The following POR variants were observed in gnomAD, a reference collection of about 807,000 sequenced individuals.
POR encodes the protein cytochrome p450 oxidoreductase, also known as NADPH--cytochrome P450 reductase.
POR carries 56 observed loss-of-function variants against 84.0 expected under a neutral mutation model. The observed-to-expected ratio is 0.67, with a 90% CI of 0.54 to 0.83. POR has a LOEUF of 0.83. POR is among the 40% of genes least tolerant of loss of function. The pLI is 0.00. For synonymous variants in POR, 414 were observed against 400.5 expected (o/e 1.03, Z -0.40); for missense variants, 938 against 944.3 (o/e 0.99, Z 0.09).
chr7:75,928,985 A>G (rs1274991642), intron 1 of POR, among the ~76,000 whole-genome samples: 2 of 152,138 alleles, frequency 1.3e-5, no homozygotes, highest in Admixed American at 1.3e-4. Context: ...GCATAGTACA[A>G]TGTCAGGCCA....
At chr7:75,924,677 A>G (rs1807033652) in intron 1 of POR, among the ~76,000 whole-genome samples, 1 of 152,154 alleles carries the variant, frequency 6.6e-6, no homozygotes, top group South Asian at 2.1e-4. Flanking sequence ...CTGCACACCA[A>G]CCTGGGTGAT....
intron 10 of POR, among the ~76,000 whole-genome samples, chr7:75,984,201 C>CT: frequency 6.6e-6 from 1 of 152,222 alleles, no homozygotes; most frequent in Middle Eastern, 3.2e-3. Flanking sequence ...CGGCCTGGGG[C>CT]TGCCCCCACC....
At chr7:75,919,203 C>T (rs1230548592) in intron 1 of POR, among the ~76,000 whole-genome samples, 1 of 152,024 alleles carries the variant, frequency 6.6e-6, no homozygotes, top group African/African-American at 2.4e-5. Flanking sequence ...CTCTTACTGC[C>T]TAATATCCTC....
chr7:75,962,908 C>G (rs142939280), intron 2 of POR, among the ~76,000 whole-genome samples: 10 of 152,334 alleles, frequency 6.6e-5, no homozygotes, highest in African/African-American at 2.4e-4. Context: ...CTAAGCTTCC[C>G]TTCCATCCCG....
chr7:75,976,897 C>T (rs1788722169), intron 3 of POR, among the ~76,000 whole-genome samples: 1 of 152,110 alleles, frequency 6.6e-6, no homozygotes, highest in Non-Finnish European at 1.5e-5. Context: ...GTCACCCAGG[C>T]TGGAGTGCAG....
chr7:75,945,064 G>A (rs1424052250), intron 1 of POR, among the ~76,000 whole-genome samples: 2 of 152,088 alleles, frequency 1.3e-5, no homozygotes, highest in Non-Finnish European at 2.9e-5. Context: ...GAGGTGGGCA[G>A]AATCTCAGGA....
At chr7:75,955,829 T>C (rs1787662013) in intron 2 of POR, among the ~76,000 whole-genome samples, 2 of 152,178 alleles carry the variant, frequency 1.3e-5, no homozygotes, top group Non-Finnish European at 2.9e-5. Flanking sequence ...AGAAAAGTCA[T>C]TCTCCAAGGC....
chr7:75,970,900 C>G (rs1230768270), intron 2 of POR: 1 of 80,384 alleles, frequency 1.2e-5, no homozygotes, highest in Non-Finnish European at 2.8e-5. Flanking sequence ...AATATCCTCT[C>G]CCACACTGCA....
At chr7:75,968,325 G>T in intron 2 of POR, 2 of 466,194 alleles carry the variant, frequency 4.3e-6, no homozygotes. Context: ...GAGGGACTCA[G>T]CCAGGCCTAG....
Position 75,979,781 on chromosome 7 carries a change from C to T in POR, c.366+202C>T, listed in dbSNP as rs533975609. The T allele has an allele frequency of 5.7e-4, 382 of 670,826 alleles. 10 individuals carry two copies. The South Asian group carries it at 7.2e-3, about 13-fold the overall frequency. The allele number at this position is 670,826 out of a possible 1,614,324, so 41.6% of individuals were successfully genotyped here. A position where few individuals can be genotyped will look rare whatever the true frequency, so the allele number is the denominator to read the frequency against. On this transcript the variant is annotated intron_variant, in intron 4 of 15. Coordinates refer to ENST00000461988, the MANE Select transcript of POR (RefSeq NM_000941.3). ...AGGGCCATTCCTGCAGTTGCAGCCA[C>T]GTGCCAGGCATCGTTTCCCCAGGAC...
At position 75,927,968 on chromosome 7, in the gene POR, CTTTTTTT is replaced by C. The variant is rs1243977285; in HGVS notation, c.-5+12804_-5+12810del. On this transcript the variant is annotated intron_variant, in intron 1 of 15. Coordinates refer to ENST00000461988, the MANE Select transcript of POR (RefSeq NM_000941.3). ...TGCTCCCAGTCTCTATCTCAGGTTT[CTTTTTTT>C]TTTTTTTTTTTTTTGAGACGGAGTC... 2.0e-4 allele frequency among the ~76,000 whole-genome samples: 21 copies of C among 107,006 alleles called. 1 individual carries two copies. Among genetic ancestry groups the C allele is most frequent in the South Asian group, 1.5e-3 (5 of 3,338 alleles). The allele number at this position is 107,006 out of a possible 152,430, so 70.2% of individuals were successfully genotyped here. A position where few individuals can be genotyped will look rare whatever the true frequency, so the allele number is the denominator to read the frequency against.
chr7:75,981,134 G>C lies in POR; in HGVS notation c.603G>C (p.Gln201His). 1 of 1,556,292 alleles carries C rather than the reference G, an allele frequency of 6.4e-7. No individual in the cohort carries two copies. The highest frequency in any genetic ancestry group is 1.4e-5 in the African/African-American group (1 of 73,444). Residue 201 changes from glutamine (Q) to histidine (H), a missense_variant, in exon 6 of 16, where the codon CAG (glutamine) becomes CAC (histidine). By Grantham distance (24) the Gln-to-His change is conservative. Coordinates refer to ENST00000461988, the MANE Select transcript of POR (RefSeq NM_000941.3). ...AGCGGCTGGAGCAGCTCGGCGCCCA[G>C]CGCATCTTTGAGCTGGGGTTGGGCG...
intron 1 of POR, among the ~76,000 whole-genome samples, chr7:75,928,950 C>T (rs1166171646): frequency 6.6e-6 from 1 of 152,020 alleles, no homozygotes; most frequent in Non-Finnish European, 1.5e-5. Flanking sequence ...CTTGGGTAAC[C>T]TAGTGTACCT....
At chr7:75,923,406 G>C in intron 1 of POR, 1 of 694,668 alleles carries the variant, frequency 1.4e-6, no homozygotes, top group Non-Finnish European at 2.6e-6. Flanking sequence ...CATCTTCTTG[G>C]GGGTGTGTGC....
At chr7:75,919,485 T>C (rs914280105) in intron 1 of POR, among the ~76,000 whole-genome samples, 4 of 151,942 alleles carry the variant, frequency 2.6e-5, no homozygotes, top group South Asian at 2.1e-4. Flanking sequence ...GTGGCTCCAG[T>C]TGGTTGGGTT....
intron 2 of POR, among the ~76,000 whole-genome samples, chr7:75,954,469 G>A (rs151249983): frequency 1.4e-4 from 22 of 152,246 alleles, no homozygotes; most frequent in Admixed American, 7.9e-4. Context: ...GAATGTTAAC[G>A]GGCCTGCCAG....
intron 5 of POR, chr7:75,980,807 C>T: frequency 3.9e-6 from 5 of 1,292,452 alleles, no homozygotes; most frequent in Non-Finnish European, 5.2e-6. Context: ...TGGGCTGGCC[C>T]CGCTTCCCTG....
intron 1 of POR, chr7:75,923,082 T>TA: frequency 1.4e-6 from 1 of 718,132 alleles, no homozygotes; most frequent in East Asian, 2.5e-5. Flanking sequence ...TTGCAAGACT[T>TA]AAACCTAAAA....
intron 3 of POR, among the ~76,000 whole-genome samples, chr7:75,976,531 G>A (rs1339992303): frequency 1.3e-5 from 2 of 151,538 alleles, no homozygotes; most frequent in Non-Finnish European, 2.9e-5. Flanking sequence ...GATCACCTGA[G>A]GTCAGGAGCT....
Sources: allele counts gnomAD v4.1 joint callset (sites outside exome capture counted in the v4.1 genomes callset), GRCh38; gene constraint gnomAD v4.1.1; transcripts MANE v1.5; gene names NCBI Gene and HGNC (gene_info 2026-07-23, HGNC 2026-07-21).